Variants in LMAN1 observed in about 807,000 individuals in gnomAD.
The protein encoded by LMAN1 is lectin, mannose binding 1.
A neutral mutation model predicts 67.8 loss-of-function variants in LMAN1; 32 were observed. The ratio of observed to expected loss-of-function variants is 0.47; its 90% CI spans 0.36 to 0.63. The LOEUF is 0.63. Among genes scored for constraint, LMAN1 ranks in the 30% least tolerant of loss-of-function variants. LMAN1 has a pLI of 0.00. For synonymous variants in LMAN1, 235 were observed against 219.3 expected (o/e 1.07, Z -0.63); for missense variants, 632 against 628.2 (o/e 1.01, Z -0.06).
intron 8 of LMAN1, among the ~76,000 whole-genome samples, chr18:59,345,685 A>C (rs1193665002): frequency 6.6e-6 from 1 of 152,204 alleles, no homozygotes; most frequent in East Asian, 1.9e-4. Flanking sequence ...ATTCCTCCAA[A>C]TAACCATGGT....
At chr18:59,345,815 G>T in intron 8 of LMAN1, 104 bp downstream of exon 8, 1 of 1,334,326 alleles carries the variant, frequency 7.5e-7, no homozygotes, top group African/African-American at 1.5e-5. Flanking sequence ...GAATGTGCCT[G>T]TTCAGAGAGC....
At chr18:59,348,844 A>G (rs1015967253) in intron 6 of LMAN1, among the ~76,000 whole-genome samples, 5 of 152,206 alleles carry the variant, frequency 3.3e-5, no homozygotes, top group Non-Finnish European at 5.9e-5. Context: ...TCTACTTTAA[A>G]TATGTCTCCT....
chr18:59,345,824 G>A, intron 8 of LMAN1, 95 bp downstream of exon 8: 1 of 1,370,486 alleles, frequency 7.3e-7, no homozygotes, highest in Non-Finnish European at 1.0e-6. Context: ...TGTTCAGAGA[G>A]CAGGGATGAG....
chr18:59,329,630 C>T lies in LMAN1; in HGVS notation c.*1463G>A, dbSNP rs984508226. On this transcript the variant is annotated 3_prime_UTR_variant, in exon 13 of 13. Coordinates refer to ENST00000251047, the MANE Select transcript of LMAN1 (RefSeq NM_005570.4). The stretch of plus-strand genomic sequence containing the variant: ...GGATAAATATCAACATAAAAAGCAA[C>T]GCCAGACTGTTTGCACACACAGCAC... 3 of 152,096 alleles carry T rather than the reference C, an allele frequency of 2.0e-5. No individual in the cohort carries two copies. Among genetic ancestry groups the T allele is most frequent in the South Asian group, 2.1e-4 (1 of 4,822 alleles). 9.4% of individuals were successfully genotyped at this position (152,096 alleles called of 1,614,324 possible).
intron 10 of LMAN1, among the ~76,000 whole-genome samples, chr18:59,337,338 A>G (rs1329676843): frequency 6.6e-6 from 1 of 152,112 alleles, no homozygotes; most frequent in Admixed American, 6.5e-5. Context: ...GCAGAAGGCT[A>G]AAGAGAAAAA....
In LMAN1 at chr18:59,357,855, A is replaced by T. The variant is rs980583421; in HGVS notation, c.214+1176T>A. On this transcript the variant is annotated intron_variant, in intron 1 of 12. Coordinates refer to ENST00000251047, the MANE Select transcript of LMAN1 (RefSeq NM_005570.4). ...GAGGTGGGAGGGATAGCATTAGGAG[A>T]TATACCTAATGTTAAATGACTAGTT... Among the ~76,000 whole-genome samples the T allele has an allele frequency of 2.6e-5, 4 of 151,846 alleles. No homozygotes were observed. The South Asian group carries it at 8.3e-4, about 32-fold the overall frequency.
At position 59,354,592 on chromosome 18, in the gene LMAN1, GA is replaced by G. The variant is rs1349247563; in HGVS notation, c.478-13del. The G allele has an allele frequency of 3.1e-6, 4 of 1,303,842 alleles. No individual in the cohort carries two copies. The highest frequency in any genetic ancestry group is 2.9e-5 in the African/African-American group (2 of 69,008). 80.8% of individuals were successfully genotyped at this position (1,303,842 alleles called of 1,614,324 possible). On this transcript the variant is annotated splice_polypyrimidine_tract_variant and intron_variant, in intron 3 of 12. Transcript: ENST00000251047. ...GCAGGATTATTTTTCTAAAAAAAAG[GA>G]AAACATTTTAAAAAATGTCTTTAAT... is the stretch of plus-strand genomic sequence containing the variant.
chr18:59,333,741 C>A (rs1355227917), intron 10 of LMAN1: 1 of 151,822 alleles, frequency 6.6e-6, no homozygotes, highest in Non-Finnish European at 1.5e-5. Flanking sequence ...GGTCACAATT[C>A]TGATTTCCTA....
intron 1 of LMAN1, among the ~76,000 whole-genome samples, chr18:59,358,732 A>G (rs1908720590): frequency 6.6e-6 from 1 of 152,160 alleles, no homozygotes; most frequent in African/African-American, 2.4e-5. Flanking sequence ...GAAGTGTAGG[A>G]GGTAACCAAA....
intron 1 of LMAN1, among the ~76,000 whole-genome samples, chr18:59,357,224 C>A (rs531406811): frequency 1.3e-5 from 2 of 152,300 alleles, no homozygotes; most frequent in East Asian, 3.9e-4. Context: ...TCTAGCCACA[C>A]GGCTTTAATT....
In LMAN1 at chr18:59,356,469, G is replaced by A. The variant is rs181715744; in HGVS notation, c.215-811C>T. Among the ~76,000 whole-genome samples the A allele has an allele frequency of 5.9e-3, 895 of 152,268 alleles. 7 individuals carry two copies. The highest frequency in any genetic ancestry group is 0.01 in the Middle Eastern group (3 of 294). On this transcript the variant is annotated intron_variant, in intron 1 of 12. Coordinates refer to ENST00000251047, the MANE Select transcript of LMAN1 (RefSeq NM_005570.4). ...AGCTATTTCTCCTATTATTAGACTA[G>A]GTAATTACTAAAGGTCTATCAGACT...
chr18:59,330,879 T>C lies in LMAN1; in HGVS notation c.*214A>G. ...GAGGCTGCATCATACTGACCAGAAA[T>C]TCACTGAAATTTAGACAGATTTACA... On this transcript the variant is annotated 3_prime_UTR_variant, in exon 13 of 13. Transcript: ENST00000251047. 1.8e-6 allele frequency: 1 copy of C among 562,072 alleles called. No individual in the cohort carries two copies. Among genetic ancestry groups the C allele is most frequent in the East Asian group, 3.0e-5 (1 of 32,892 alleles). 34.8% of individuals were successfully genotyped at this position (562,072 alleles called of 1,614,324 possible).
chr18:59,334,320 G>C (rs1908094791), intron 10 of LMAN1, among the ~76,000 whole-genome samples: 1 of 152,150 alleles, frequency 6.6e-6, no homozygotes, highest in African/African-American at 2.4e-5. Flanking sequence ...AGTGCTGTGA[G>C]CCAGGGAATA....
chr18:59,331,626 G>A, intron 11 of LMAN1, 87 bp from the exon 12 acceptor site: 1 of 1,432,660 alleles, frequency 7.0e-7, no homozygotes, highest in Non-Finnish European at 9.8e-7. Context: ...AAAACTGTTT[G>A]CTATATAAAC....
intron 1 of LMAN1, among the ~76,000 whole-genome samples, chr18:59,357,351 T>C (rs1398804730): frequency 6.6e-6 from 1 of 152,180 alleles, no homozygotes; most frequent in Admixed American, 6.5e-5. Flanking sequence ...TTGGCTAATG[T>C]AGTGTATGTG....
In LMAN1 at chr18:59,329,373, C is replaced by CT. The variant is rs2070733893; in HGVS notation, c.*1719dup. 6.6e-6 allele frequency: 1 copy of CT among 152,096 alleles called. No individual in the cohort carries two copies. The highest frequency in any genetic ancestry group is 1.5e-5 in the Non-Finnish European group (1 of 68,008). 9.4% of individuals were successfully genotyped at this position (152,096 alleles called of 1,614,324 possible). On this transcript the variant is annotated 3_prime_UTR_variant, in exon 13 of 13. Coordinates refer to ENST00000251047, the MANE Select transcript of LMAN1 (RefSeq NM_005570.4). ...ACTTTATAATACTGGATTTGGCAGC[C>CT]TTTTATCTCAAGAGGATTTCTCAAG...
chr18:59,353,437 G>A, intron 4 of LMAN1, 136 bp from the exon 5 acceptor site: 1 of 680,356 alleles, frequency 1.5e-6, no homozygotes, highest in Non-Finnish European at 2.7e-6. Flanking sequence ...GACTACACGA[G>A]ACTACATGAG....
At chr18:59,349,899 A>T (rs1043478592) in intron 5 of LMAN1, among the ~76,000 whole-genome samples, 1 of 152,238 alleles carries the variant, frequency 6.6e-6, no homozygotes, top group African/African-American at 2.4e-5. Context: ...TATCCCAGTC[A>T]AGCAGTGGTT....
In LMAN1 at chr18:59,330,352, A is replaced by G. The variant is rs939040733; in HGVS notation, c.*741T>C. The G allele has an allele frequency of 3.3e-5, 5 of 152,598 alleles. No individual in the cohort carries two copies. The highest frequency in any genetic ancestry group is 6.5e-5 in the Admixed American group (1 of 15,274). 9.5% of individuals were successfully genotyped at this position (152,598 alleles called of 1,614,324 possible). A position where few individuals can be genotyped will look rare whatever the true frequency, so the allele number is the denominator to read the frequency against. ...TTGACCTGACCCCATTGGAATGAAG[A>G]CATTCAAGAATATGGGCAATCATGA... On this transcript the variant is annotated 3_prime_UTR_variant, in exon 13 of 13. Coordinates refer to ENST00000251047, the MANE Select transcript of LMAN1 (RefSeq NM_005570.4).
Sources: allele counts gnomAD v4.1 joint callset (sites outside exome capture counted in the v4.1 genomes callset), GRCh38; gene constraint gnomAD v4.1.1; transcripts MANE v1.5; gene names NCBI Gene and HGNC (gene_info 2026-07-23, HGNC 2026-07-21).